The following PRKCA variants were observed in gnomAD, a reference collection of about 807,000 sequenced individuals.
PRKCA encodes the protein protein kinase C alpha.
Under a neutral mutation model 87.0 loss-of-function variants are expected in PRKCA, and 27 were observed. That is an observed-to-expected ratio of 0.31 (90% CI 0.23 to 0.43). PRKCA has a LOEUF of 0.43. Ranked by LOEUF, PRKCA falls within the 20% of genes least tolerant of loss-of-function variation. The probability of loss-of-function intolerance (pLI) is 1.00; values close to 1 mark genes in which losing one functional copy is unlikely to be tolerated. For missense variants in PRKCA, 518 were observed against 852.3 expected, an observed-to-expected ratio of 0.61 and a Z score of 4.88; for synonymous variants, 329 against 311.1, an observed-to-expected ratio of 1.06 and a Z score of -0.61.
chr17:66,744,221 A>C (rs1006726761), intron 13 of PRKCA, among the ~76,000 whole-genome samples: 1 of 152,208 alleles, frequency 6.6e-6, no homozygotes, highest in Admixed American at 6.5e-5. Context: ...ATTTTCCCCC[A>C]AAAGAACTCC....
At chr17:66,607,019 A>T (rs1970228855) in intron 3 of PRKCA, among the ~76,000 whole-genome samples, 1 of 152,044 alleles carries the variant, frequency 6.6e-6, no homozygotes, top group Admixed American at 6.5e-5. Flanking sequence ...GTTCTGGGAA[A>T]TTTTTTCATT....
At chr17:66,377,717 A>G (rs1181851110) in intron 2 of PRKCA, among the ~76,000 whole-genome samples, 1 of 53,564 alleles carries the variant, frequency 1.9e-5, no homozygotes, top group Non-Finnish European at 3.7e-5. Context: ...ATATATATAT[A>G]TATATTTTTT....
chr17:66,765,444 A>ATATATATATATC (rs1974786436), intron 13 of PRKCA, among the ~76,000 whole-genome samples: 3 of 114,788 alleles, frequency 2.6e-5, no homozygotes, highest in South Asian at 2.5e-4. Context: ...ATATATATAT[A>ATATATATATATC]TATATATATA....
intron 2 of PRKCA, among the ~76,000 whole-genome samples, chr17:66,495,117 A>C (rs946214519): frequency 2.7e-5 from 4 of 149,154 alleles, no homozygotes; most frequent in Non-Finnish European, 6.0e-5. Flanking sequence ...AAAAAAAAAA[A>C]CTCTTAGGGG....
intron 3 of PRKCA, among the ~76,000 whole-genome samples, chr17:66,585,072 G>C (rs573202518): frequency 4.3e-4 from 65 of 151,898 alleles, no homozygotes; most frequent in Non-Finnish European, 5.9e-4. Flanking sequence ...GGGGAGGGGG[G>C]GGTGGTGGTT....
At chr17:66,748,557 G>A (rs1037212409) in intron 13 of PRKCA, among the ~76,000 whole-genome samples, 1 of 152,220 alleles carries the variant, frequency 6.6e-6, no homozygotes, top group Non-Finnish European at 1.5e-5. Context: ...AGGGACTGAG[G>A]AGGTCCAGCA....
chr17:66,775,540 T>G (rs757250516), intron 14 of PRKCA: 201 of 985,276 alleles, frequency 2.0e-4, no homozygotes, highest in Non-Finnish European at 2.3e-4. Flanking sequence ...ATACTAAACA[T>G]GATTCTGCCG....
rs551062265 is a variant in PRKCA, at chr17:66,314,023, C to T, written c.205+7896C>T. Among the ~76,000 whole-genome samples the T allele has an allele frequency of 1.7e-4, 26 of 152,280 alleles. 1 individual carries two copies. The East Asian group carries it at 4.6e-3, about 27-fold the overall frequency. On this transcript the variant is annotated intron_variant, in intron 2 of 16. Coordinates refer to ENST00000413366, the MANE Select transcript of PRKCA (RefSeq NM_002737.3). ...ATTTTATATGCTTTCATTCCAAAAG[C>T]ACCCCATAACAGGATGTTATCCCCA...
chr17:66,517,385 T>A (rs1474599843), intron 3 of PRKCA, among the ~76,000 whole-genome samples: 2 of 152,172 alleles, frequency 1.3e-5, no homozygotes, highest in Admixed American at 6.6e-5. Flanking sequence ...CCAATTCAGT[T>A]GTTTCTCTTC....
intron 8 of PRKCA, among the ~76,000 whole-genome samples, chr17:66,709,501 G>T (rs533553927): frequency 1.3e-4 from 20 of 151,578 alleles, no homozygotes; most frequent in East Asian, 1.2e-3. Context: ...TAGAGACAAG[G>T]TTTCACCATG....
intron 8 of PRKCA, among the ~76,000 whole-genome samples, chr17:66,690,827 C>CAAAA (rs34671486): frequency 3.0e-5 from 2 of 66,584 alleles, no homozygotes; most frequent in Non-Finnish European, 5.6e-5. Flanking sequence ...GACTCTGTCT[C>CAAAA]AAAAAAAAAA....
intron 5 of PRKCA, among the ~76,000 whole-genome samples, chr17:66,658,920 C>G (rs904093614): frequency 1.3e-5 from 2 of 152,212 alleles, no homozygotes; most frequent in Non-Finnish European, 2.9e-5. Context: ...AAGCAAGACA[C>G]AGGAACACAC....
chr17:66,357,825 C>T (rs982649730), intron 2 of PRKCA, among the ~76,000 whole-genome samples: 1 of 152,152 alleles, frequency 6.6e-6, no homozygotes, highest in Non-Finnish European at 1.5e-5. Flanking sequence ...TCAATAGGAA[C>T]ACAGACTCAT....
chr17:66,531,321 T>C (rs372472798), intron 3 of PRKCA, among the ~76,000 whole-genome samples: 54 of 152,334 alleles, frequency 3.5e-4, no homozygotes, highest in South Asian at 2.5e-3. Flanking sequence ...TTCTTAGCCC[T>C]GCCTGAACTG....
At position 66,368,072 on chromosome 17, in the gene PRKCA, C is replaced by T. The variant is rs574917753; in HGVS notation, c.205+61945C>T. 3.9e-5 allele frequency among the ~76,000 whole-genome samples: 6 copies of T among 152,214 alleles called. No homozygotes were observed. The East Asian group carries it at 9.7e-4, about 25-fold the overall frequency. ...GGTCAATACTGTGAACTCAGAACTC[C>T]AACCGTGGGATCCCAGCCATCCATT... On this transcript the variant is annotated intron_variant, in intron 2 of 16. Coordinates refer to ENST00000413366, the MANE Select transcript of PRKCA (RefSeq NM_002737.3).
intron 5 of PRKCA, among the ~76,000 whole-genome samples, chr17:66,683,512 A>G (rs1346844592): frequency 1.3e-5 from 2 of 152,170 alleles, no homozygotes; most frequent in Non-Finnish European, 2.9e-5. Context: ...TGACTAAAAC[A>G]TCCCAGGTGT....
chr17:66,411,048 AT>A lies in PRKCA; in HGVS notation c.206-85151del, dbSNP rs1911766909. ...TTTTCCATGTTTGATAATTGTATATATTCTCTGTTAATTCTGTTTTTGTTTT... is the reference window on the plus strand; with the variant it reads ...TTTTCCATGTTTGATAATTGTATATATCTCTGTTAATTCTGTTTTTGTTTT... On this transcript the variant is annotated intron_variant, in intron 2 of 16. Coordinates refer to ENST00000413366, the MANE Select transcript of PRKCA (RefSeq NM_002737.3). 2.0e-5 allele frequency among the ~76,000 whole-genome samples: 3 copies of A among 151,992 alleles called. No homozygotes were observed. In the South Asian group the frequency reaches 6.2e-4, roughly 32 times the overall value.
intron 2 of PRKCA, among the ~76,000 whole-genome samples, chr17:66,452,929 G>A (rs1428588797): frequency 6.6e-6 from 1 of 152,228 alleles, no homozygotes. Context: ...ATAAGGGCTG[G>A]TGTCTTAACC....
intron 3 of PRKCA, among the ~76,000 whole-genome samples, chr17:66,554,367 G>A (rs1049301772): frequency 4.6e-5 from 7 of 152,206 alleles, no homozygotes; most frequent in African/African-American, 1.7e-4. Context: ...CAGAAAGCCT[G>A]CAATAGGCTT....
Sources: gnomAD v4.1 joint callset for allele counts (sites outside exome capture counted in the v4.1 genomes callset) on GRCh38, gnomAD v4.1.1 for gene constraint, MANE v1.5 for transcripts, NCBI Gene and HGNC (gene_info 2026-07-23, HGNC 2026-07-21) for gene names.